LHFPL3: variants seen among roughly 807,000 people sequenced by gnomAD.
The protein encoded by LHFPL3 is LHFPL tetraspan subfamily member 3 protein.
A neutral mutation model predicts 19.3 loss-of-function variants in LHFPL3; 5 were observed. The observed-to-expected ratio is 0.26, with a 90% CI of 0.14 to 0.54. The LOEUF (loss-of-function observed/expected upper bound fraction) is 0.54, where lower values mean the gene tolerates loss of function less well. LHFPL3 is among the 20% of genes least tolerant of loss of function. The pLI, the probability that LHFPL3 is intolerant of heterozygous loss-of-function variation, is 0.94. For missense variants in LHFPL3, 249 were observed against 307.4 expected, an observed-to-expected ratio of 0.81 and a Z score of 1.42; for synonymous variants, 133 against 126.2, an observed-to-expected ratio of 1.05 and a Z score of -0.36.
At chr7:104,732,225 G>A (rs1401299459) in intron 1 of LHFPL3, among the ~76,000 whole-genome samples, 1 of 152,182 alleles carries the variant, frequency 6.6e-6, no homozygotes, top group Non-Finnish European at 1.5e-5. Flanking sequence ...GTATCAGGAT[G>A]GTGCTGGCCT....
chr7:104,845,998 C>T (rs1438114532), intron 2 of LHFPL3, among the ~76,000 whole-genome samples: 1 of 152,176 alleles, frequency 6.6e-6, no homozygotes, highest in Non-Finnish European at 1.5e-5. Flanking sequence ...CCTGTGTACA[C>T]ATATGTATGC....
chr7:104,677,589 CAGA>C (rs1411415291), intron 1 of LHFPL3, among the ~76,000 whole-genome samples: 1 of 152,122 alleles, frequency 6.6e-6, no homozygotes, highest in East Asian at 1.9e-4. Flanking sequence ...GGAGCAATTA[CAGA>C]AGAAGAAGCT....
chr7:104,625,669 CA>C (rs1791530320), intron 1 of LHFPL3, among the ~76,000 whole-genome samples: 1 of 152,012 alleles, frequency 6.6e-6, no homozygotes, highest in Non-Finnish European at 1.5e-5. Flanking sequence ...AAGCAAACAC[CA>C]GCCTCTTTTT....
rs1042796722 is a variant in LHFPL3 at position 104,399,622 on chromosome 7, G to A, written c.445+70398G>A. On this transcript the variant is annotated intron_variant, in intron 1 of 2. Transcript: ENST00000424859. This position sits in a 1 kb window ranked among gnomAD's most constrained non-coding sequence, Gnocchi z 4.4. ...GATTACAAGCACCTGCCACCACACCGGGCTAAGTTTTGCATTTTTTTTTTT... is the reference window on the plus strand; with the variant it reads ...GATTACAAGCACCTGCCACCACACCAGGCTAAGTTTTGCATTTTTTTTTTT... Among the ~76,000 whole-genome samples, 6 of 150,424 alleles carry A rather than the reference G, an allele frequency of 4.0e-5. No homozygotes were observed. The highest frequency in any genetic ancestry group is 2.0e-4 in the East Asian group (1 of 5,054).
chr7:104,745,699 A>C (rs1265029883), intron 2 of LHFPL3, among the ~76,000 whole-genome samples: 1 of 152,188 alleles, frequency 6.6e-6, no homozygotes, highest in Non-Finnish European at 1.5e-5. Flanking sequence ...TCAGGTACCC[A>C]ATCCAGAGCT....
intron 1 of LHFPL3, among the ~76,000 whole-genome samples, chr7:104,634,763 A>G (rs1791702316): frequency 6.6e-6 from 1 of 152,198 alleles, no homozygotes; most frequent in South Asian, 2.1e-4. Flanking sequence ...CCAGCTGGCT[A>G]TCCTGTTGCT....
At chr7:104,553,383 G>A (rs1038543110) in intron 1 of LHFPL3, among the ~76,000 whole-genome samples, 1 of 152,138 alleles carries the variant, frequency 6.6e-6, no homozygotes, top group East Asian at 1.9e-4. Flanking sequence ...TTAATAAAAA[G>A]TTATAAAGAG....
At chr7:104,570,547 G>T (rs1466976915) in intron 1 of LHFPL3, among the ~76,000 whole-genome samples, 2 of 152,142 alleles carry the variant, frequency 1.3e-5, no homozygotes, top group Non-Finnish European at 2.9e-5. Flanking sequence ...TTGAACTTCA[G>T]TTTCCCTGAG....
rs76985160 is a variant in LHFPL3 at position 104,497,115 on chromosome 7, G to T, written c.445+167891G>T. Among the ~76,000 whole-genome samples the T allele has an allele frequency of 7.8e-3, 1,188 of 151,950 alleles. 33 individuals are homozygous for T. Among genetic ancestry groups the T allele is most frequent in the East Asian group, 0.064 (331 of 5,154 alleles). The stretch of plus-strand genomic sequence containing the variant: ...CTGGGGATGCTGTGATGGAAAAGTA[G>T]ATTATCTGATTACCATTATTATCAT... On this transcript the variant is annotated intron_variant, in intron 1 of 2. Transcript: ENST00000424859.
At chr7:104,477,791 A>C (rs1392999392) in intron 1 of LHFPL3, among the ~76,000 whole-genome samples, 3 of 152,324 alleles carry the variant, frequency 2.0e-5, no homozygotes, top group Admixed American at 2.0e-4. Flanking sequence ...TCCTACATAC[A>C]AAAGCATTAA....
intron 1 of LHFPL3, among the ~76,000 whole-genome samples, chr7:104,510,564 T>A (rs1343437158): frequency 1.3e-5 from 2 of 152,166 alleles, no homozygotes; most frequent in Non-Finnish European, 2.9e-5. Flanking sequence ...CAGAGTTAAA[T>A]ATAAAACTGT....
chr7:104,409,602 A>G (rs1242353110), intron 1 of LHFPL3, among the ~76,000 whole-genome samples: 1 of 152,084 alleles, frequency 6.6e-6, no homozygotes, highest in African/African-American at 2.4e-5. Context: ...GGTGACAGAG[A>G]CAGGCCCTGC....
chr7:104,641,450 G>A (rs574968698), intron 1 of LHFPL3, among the ~76,000 whole-genome samples: 4 of 152,304 alleles, frequency 2.6e-5, no homozygotes, highest in South Asian at 2.1e-4. Context: ...GGATCTGACC[G>A]ATTGCTTGTG....
chr7:104,343,442 G>A (rs1562869832), intron 1 of LHFPL3, among the ~76,000 whole-genome samples: 1 of 142,856 alleles, frequency 7.0e-6, no homozygotes, highest in East Asian at 2.1e-4. Context: ...GAACCCGGGA[G>A]GTGGAGGTTG....
intron 1 of LHFPL3, among the ~76,000 whole-genome samples, chr7:104,558,970 G>C (rs1197431565): frequency 5.4e-5 from 8 of 148,696 alleles, no homozygotes; most frequent in Non-Finnish European, 1.2e-4. Flanking sequence ...TGTCAGGTTT[G>C]TCAAAGATCA....
chr7:104,507,481 G>A (rs41049), intron 1 of LHFPL3, among the ~76,000 whole-genome samples: 6,651 of 118,124 alleles, frequency 0.056, 165 homozygotes, highest in East Asian at 0.099. Context: ...AGACTTAAAC[G>A]TTAGACCTAA....
At chr7:104,396,653 A>C (rs546225936) in intron 1 of LHFPL3, among the ~76,000 whole-genome samples, 1 of 151,746 alleles carries the variant, frequency 6.6e-6, no homozygotes, top group East Asian at 1.9e-4. Context: ...AAAAAAAAAA[A>C]AAAAGATAAA....
At chr7:104,786,126 G>A (rs186658872) in intron 2 of LHFPL3, among the ~76,000 whole-genome samples, 133 of 152,220 alleles carry the variant, frequency 8.7e-4, no homozygotes, top group Non-Finnish European at 1.6e-3. Flanking sequence ...ACTTACCAAG[G>A]AGCCACACAG....
intron 1 of LHFPL3, among the ~76,000 whole-genome samples, chr7:104,454,860 T>G (rs1305352939): frequency 6.6e-6 from 1 of 152,236 alleles, no homozygotes; most frequent in Non-Finnish European, 1.5e-5. Flanking sequence ...ATTTTGTTCC[T>G]ATATTATTAA....
Sources: gnomAD v4.1 joint callset for allele counts (sites outside exome capture counted in the v4.1 genomes callset) on GRCh38, gnomAD v4.1.1 for gene constraint, Gnocchi (gnomAD v3.1) non-coding constraint, MANE v1.5 for transcripts, NCBI Gene and HGNC (gene_info 2026-07-23, HGNC 2026-07-21) for gene names.